The following NRXN1 variants were observed in gnomAD, a reference collection of about 807,000 sequenced individuals.
NRXN1 encodes the protein neurexin-1.
In NRXN1, 39 loss-of-function variants were observed where a neutral mutation model predicts 150.9. That is an observed-to-expected ratio of 0.26 (90% CI 0.20 to 0.34). The LOEUF (loss-of-function observed/expected upper bound fraction) is 0.34, where lower values mean the gene tolerates loss of function less well. NRXN1 is among the 10% of genes least tolerant of loss of function. The pLI, the probability that NRXN1 is intolerant of heterozygous loss-of-function variation, is 1.00. For missense variants in NRXN1, 1,815 were observed against 1,949.9 expected, an observed-to-expected ratio of 0.93 and a Z score of 1.30; for synonymous variants, 924 against 757.0, an observed-to-expected ratio of 1.22 and a Z score of -3.62.
chr2:50,334,192 A>ATTTTTTATATATATATATAT (rs1553457970), intron 17 of NRXN1, among the ~76,000 whole-genome samples: 1 of 118,982 alleles, frequency 8.4e-6, no homozygotes, highest in Non-Finnish European at 1.7e-5. Context: ...ACCAGGACCA[A>ATTTTTTATATATATATATAT]ATATATATAT....
intron 18 of NRXN1, among the ~76,000 whole-genome samples, chr2:50,130,023 T>C (rs1394030435): frequency 6.6e-6 from 1 of 152,188 alleles, no homozygotes; most frequent in Non-Finnish European, 1.5e-5. Flanking sequence ...TGTTATCTCA[T>C]TTTTTCTTCC....
chr2:50,153,456 T>C (rs2058817869), intron 18 of NRXN1, among the ~76,000 whole-genome samples: 1 of 151,686 alleles, frequency 6.6e-6, no homozygotes, highest in African/African-American at 2.4e-5. Flanking sequence ...GGAAATCAGA[T>C]TACCTCCCTT....
chr2:50,203,284 T>G lies in NRXN1; in HGVS notation c.3546+33505A>C, dbSNP rs1449710794. Among the ~76,000 whole-genome samples the G allele has an allele frequency of 2.0e-5, 3 of 152,174 alleles. No homozygotes were observed. The East Asian group carries it at 5.8e-4, about 29-fold the overall frequency. ...AACAGCAAGGTACATTGGTCTAACT[T>G]TTTCTTAACAACCTAGTGTAGGAAA... On this transcript the variant is annotated intron_variant, in intron 18 of 22. Coordinates refer to ENST00000401669, the MANE Select transcript of NRXN1 (RefSeq NM_001330078.2).
intron 2 of NRXN1, among the ~76,000 whole-genome samples, chr2:50,929,813 G>T (rs1488356839): frequency 6.6e-6 from 1 of 152,042 alleles, no homozygotes; most frequent in African/African-American, 2.4e-5. Flanking sequence ...TGGTGGCACA[G>T]GATGGAGCTT....
intron 11 of NRXN1, among the ~76,000 whole-genome samples, chr2:50,529,769 G>T (rs972831122): frequency 3.3e-5 from 5 of 152,114 alleles, no homozygotes; most frequent in African/African-American, 9.7e-5. Flanking sequence ...GCAATTAGGC[G>T]ATTTGTTTTG....
At chr2:50,305,562 TCTTAA>T (rs1281294694) in intron 17 of NRXN1, among the ~76,000 whole-genome samples, 2 of 152,204 alleles carry the variant, frequency 1.3e-5, no homozygotes, top group African/African-American at 4.8e-5. Context: ...ATACTTTAAA[TCTTAA>T]CTTGAGTCAT....
chr2:50,714,567 T>A (rs1475470001), intron 5 of NRXN1, among the ~76,000 whole-genome samples: 2 of 152,154 alleles, frequency 1.3e-5, no homozygotes, highest in East Asian at 3.9e-4. Context: ...AACAGATGAA[T>A]ATTAATTGGT....
At chr2:50,453,933 T>A (rs546295519) in intron 17 of NRXN1, among the ~76,000 whole-genome samples, 1 of 152,310 alleles carries the variant, frequency 6.6e-6, no homozygotes, top group East Asian at 1.9e-4. Context: ...AATGATCTGA[T>A]GATTCCCGTA....
At chr2:50,479,457 A>T (rs2090261284) in intron 15 of NRXN1, among the ~76,000 whole-genome samples, 1 of 152,128 alleles carries the variant, frequency 6.6e-6, no homozygotes, top group South Asian at 2.1e-4. Flanking sequence ...TCTGAAAATG[A>T]TTTTATCTTT....
intron 21 of NRXN1, among the ~76,000 whole-genome samples, chr2:49,994,542 G>A (rs10205445): frequency 0.054 from 8,146 of 152,098 alleles, 714 homozygotes; most frequent in African/African-American, 0.18. Flanking sequence ...AAACTACACC[G>A]GTAAGAGTTG....
At chr2:50,565,424 C>T (rs1350982570) in intron 8 of NRXN1, among the ~76,000 whole-genome samples, 1 of 151,930 alleles carries the variant, frequency 6.6e-6, no homozygotes, top group Non-Finnish European at 1.5e-5. Context: ...ATGACCATAG[C>T]AGTCACTGAG....
At chr2:50,739,186 T>A in intron 5 of NRXN1, 1 of 408,954 alleles carries the variant, frequency 2.4e-6, no homozygotes, top group Non-Finnish European at 5.0e-6. Flanking sequence ...TCCTTATGAT[T>A]ATGGATTTTC....
chr2:50,653,313 G>C (rs1248247630), intron 5 of NRXN1, among the ~76,000 whole-genome samples: 2 of 152,036 alleles, frequency 1.3e-5, no homozygotes, highest in African/African-American at 2.4e-5. Context: ...CATGCCCATA[G>C]AAAAGGAAGT....
At chr2:50,748,468 T>C (rs1250939754) in intron 5 of NRXN1, among the ~76,000 whole-genome samples, 2 of 152,152 alleles carry the variant, frequency 1.3e-5, no homozygotes, top group East Asian at 1.9e-4. Flanking sequence ...TGCCTGTTAA[T>C]GTCATTAGCG....
chr2:50,719,217 T>C (rs1696290476), intron 5 of NRXN1, among the ~76,000 whole-genome samples: 1 of 152,002 alleles, frequency 6.6e-6, no homozygotes, highest in South Asian at 2.1e-4. Context: ...TTATTTTCTG[T>C]TCATTAAACC....
intron 17 of NRXN1, among the ~76,000 whole-genome samples, chr2:50,439,117 C>T (rs1009382443): frequency 1.3e-5 from 2 of 152,234 alleles, no homozygotes; most frequent in African/African-American, 4.8e-5. Flanking sequence ...TCTTGTCCTG[C>T]CAAAAGATTG....
chr2:51,014,364 A>G (rs1441234852), intron 2 of NRXN1, among the ~76,000 whole-genome samples: 1 of 152,094 alleles, frequency 6.6e-6, no homozygotes, highest in Non-Finnish European at 1.5e-5. Flanking sequence ...GATAAAGATA[A>G]TTGAAGAGGA....
intron 16 of NRXN1, among the ~76,000 whole-genome samples, chr2:50,468,614 T>C (rs2089163149): frequency 6.6e-6 from 1 of 151,422 alleles, no homozygotes; most frequent in South Asian, 2.1e-4. Context: ...GAAAGAAAAA[T>C]GAAGATAAAA....
chr2:50,407,070 T>C (rs2082797822), intron 17 of NRXN1, among the ~76,000 whole-genome samples: 2 of 152,142 alleles, frequency 1.3e-5, no homozygotes, highest in African/African-American at 4.8e-5. Context: ...AACTTATTGA[T>C]AGTAGTAATG....
Sources: allele counts gnomAD v4.1 joint callset (sites outside exome capture counted in the v4.1 genomes callset), GRCh38; gene constraint gnomAD v4.1.1; transcripts MANE v1.5; gene names NCBI Gene and HGNC (gene_info 2026-07-23, HGNC 2026-07-21).